The following NOCT variants were observed in gnomAD, a reference collection of about 807,000 sequenced individuals.
NOCT encodes the protein nocturnin.
A neutral mutation model predicts 35.0 loss-of-function variants in NOCT; 18 were observed. That is an observed-to-expected ratio of 0.51 (90% CI 0.36 to 0.76). NOCT has a LOEUF of 0.76. Among genes scored for constraint, NOCT ranks in the 30% least tolerant of loss-of-function variants. The pLI is 0.01. For synonymous variants in NOCT, 235 were observed against 226.3 expected (o/e 1.04, Z -0.34); for missense variants, 479 against 541.0 (o/e 0.89, Z 1.14).
At chr4:139,032,996 C>T (rs1482582774) in intron 1 of NOCT, among the ~76,000 whole-genome samples, 3 of 151,382 alleles carry the variant, frequency 2.0e-5, no homozygotes, top group Admixed American at 1.3e-4. Flanking sequence ...CCCTGGGGGG[C>T]GGAGGCTGCA....
intron 1 of NOCT, among the ~76,000 whole-genome samples, chr4:139,029,072 C>A (rs1247025929): frequency 6.6e-6 from 1 of 152,104 alleles, no homozygotes; most frequent in Non-Finnish European, 1.5e-5. Flanking sequence ...CTCCTGACCT[C>A]AAGTGATCCA....
intron 1 of NOCT, among the ~76,000 whole-genome samples, chr4:139,026,664 C>T (rs1350693690): frequency 6.6e-6 from 1 of 151,850 alleles, no homozygotes; most frequent in Non-Finnish European, 1.5e-5. Context: ...TATTCTCCTG[C>T]CTCAGCCTCC....
intron 1 of NOCT, among the ~76,000 whole-genome samples, chr4:139,019,398 G>C (rs1726370505): frequency 6.6e-6 from 1 of 152,166 alleles, no homozygotes. Context: ...TCCTACTGTA[G>C]ACCTATTAAG....
At chr4:139,039,370 A>AT (rs11353325) in intron 1 of NOCT, among the ~76,000 whole-genome samples, 2,068 of 150,870 alleles carry the variant, frequency 0.014, 41 homozygotes, top group African/African-American at 0.048. Context: ...TGACAATCTG[A>AT]TTTTTTTTTT....
intron 1 of NOCT, among the ~76,000 whole-genome samples, chr4:139,032,995 G>T (rs181480966): frequency 6.6e-6 from 1 of 152,060 alleles, no homozygotes; most frequent in Non-Finnish European, 1.5e-5. Flanking sequence ...ACCCTGGGGG[G>T]CGGAGGCTGC....
At chr4:139,027,219 G>T (rs1204664475) in intron 1 of NOCT, among the ~76,000 whole-genome samples, 1 of 149,636 alleles carries the variant, frequency 6.7e-6, no homozygotes, top group Non-Finnish European at 1.5e-5. Flanking sequence ...CTGTCACCCA[G>T]ACTGGAGTGC....
chr4:139,016,641 G>GTT lies in NOCT; in HGVS notation c.190+499_190+500dup, dbSNP rs10541748. Among the ~76,000 whole-genome samples the GTT allele has an allele frequency of 1.5e-3, 79 of 53,804 alleles. 15 individuals are homozygous for GTT. The highest frequency in any genetic ancestry group is 2.6e-3 in the African/African-American group (34 of 13,092). 35.3% of individuals were successfully genotyped at this position (53,804 alleles called of 152,430 possible). On this transcript the variant is annotated intron_variant, in intron 1 of 2. Coordinates refer to ENST00000280614, the MANE Select transcript of NOCT (RefSeq NM_012118.4). The stretch of plus-strand genomic sequence containing the variant: ...ATAACACATTGATTCGTTTTACGTT[G>GTT]TTTTTTTTTTTTTTTTTTTTTTTTT...
chr4:139,043,988 A>ATATATG (rs1167147129), intron 2 of NOCT: 1 of 147,632 alleles, frequency 6.8e-6, no homozygotes, highest in Non-Finnish European at 1.5e-5. Flanking sequence ...ATGTATATAT[A>ATATATG]TATATATATA....
At chr4:139,035,833 T>C (rs943363449) in intron 1 of NOCT, among the ~76,000 whole-genome samples, 5 of 152,246 alleles carry the variant, frequency 3.3e-5, no homozygotes, top group Admixed American at 3.3e-4. Flanking sequence ...CACACCACCA[T>C]AATCCCCTCT....
intron 1 of NOCT, among the ~76,000 whole-genome samples, chr4:139,036,946 C>T (rs1726747340): frequency 6.6e-6 from 1 of 152,158 alleles, no homozygotes; most frequent in African/African-American, 2.4e-5. Context: ...GGGAGTCCAT[C>T]AGTAAGCTGT....
chr4:139,019,235 G>T (rs984323562), intron 1 of NOCT, among the ~76,000 whole-genome samples: 6 of 152,058 alleles, frequency 3.9e-5, no homozygotes, highest in African/African-American at 1.4e-4. Flanking sequence ...TTTGTATTTA[G>T]TAGAGACAGG....
rs770704051 is a variant in NOCT, at chr4:139,043,310, A to G, written c.427A>G (p.Ile143Val). 4.3e-6 allele frequency: 7 copies of G among 1,614,070 alleles called. No homozygotes were observed. The East Asian group carries it at 1.3e-4, about 31-fold the overall frequency. Residue 143 changes from isoleucine (I) to valine (V), a missense_variant, in exon 2 of 3, where the codon ATC becomes GTC. Ile to Val is a conservative substitution (Grantham distance 29). Coordinates refer to ENST00000280614, the MANE Select transcript of NOCT (RefSeq NM_012118.4). ...RTDCPSTHPP[I>V]RVMQWNILAQ... ...AGATTGCCCTAGTACCCACCCACCT[A>G]TCAGGGTTATGCAATGGAACATCCT...
chr4:139,019,235 G>A (rs984323562), intron 1 of NOCT, among the ~76,000 whole-genome samples: 8 of 152,058 alleles, frequency 5.3e-5, no homozygotes, highest in Non-Finnish European at 1.2e-4. Flanking sequence ...TTTGTATTTA[G>A]TAGAGACAGG....
chr4:139,024,054 T>C (rs1179738191), intron 1 of NOCT, among the ~76,000 whole-genome samples: 1 of 150,794 alleles, frequency 6.6e-6, no homozygotes, highest in African/African-American at 2.4e-5. Flanking sequence ...CCTTTTTTTT[T>C]TTTTTTTTTT....
At chr4:139,016,269 C>A (rs1032996978) in intron 1 of NOCT, 98 bp downstream of exon 1, 4 of 798,036 alleles carry the variant, frequency 5.0e-6, no homozygotes, top group Non-Finnish European at 5.0e-6. Flanking sequence ...CCGGGGCTGC[C>A]GGTCGTGGAG....
intron 1 of NOCT, among the ~76,000 whole-genome samples, chr4:139,017,666 T>C (rs113941347): frequency 0.041 from 6,195 of 151,432 alleles, 210 homozygotes; most frequent in Non-Finnish European, 0.066. Flanking sequence ...GTGGTGGCAC[T>C]CGCCTGTAAT....
In NOCT at chr4:139,044,743, G is replaced by T. The variant is rs781229217; in HGVS notation, c.565G>T (p.Asp189Tyr). Reference sequence around the variant, plus strand: ...GGAAGAAATCCTGGCCTACCAGCCTGATATATTGTGCCTCCAAGAGGTGGA... The same window carrying T: ...GGAAGAAATCCTGGCCTACCAGCCTTATATATTGTGCCTCCAAGAGGTGGA... ...ILEEILAYQPDILCLQEVDHY... is the reference protein window; with the variant it reads ...ILEEILAYQPYILCLQEVDHY... The change falls in exon 3 of 3, where the codon GAT becomes TAT. Residue 189 changes from aspartate to tyrosine, a missense_variant. Transcript: ENST00000280614. 6 of 1,614,178 alleles carry T rather than the reference G, an allele frequency of 3.7e-6. No individual in the cohort carries two copies. Among genetic ancestry groups the T allele is most frequent in the Non-Finnish European group, 5.1e-6 (6 of 1,180,008 alleles).
intron 1 of NOCT, among the ~76,000 whole-genome samples, chr4:139,021,048 C>CAG (rs140054202): frequency 0.017 from 2,242 of 131,776 alleles, 55 homozygotes; most frequent in African/African-American, 0.06. Flanking sequence ...GCCTGGGCGA[C>CAG]AGTAGGAGCA....
intron 1 of NOCT, among the ~76,000 whole-genome samples, chr4:139,022,138 A>C (rs1160130259): frequency 1.3e-5 from 2 of 152,342 alleles, no homozygotes; most frequent in East Asian, 3.9e-4. Context: ...TTTGAAGGAC[A>C]GTGTGCCTGG....
Sources: gnomAD v4.1 joint callset for allele counts (sites outside exome capture counted in the v4.1 genomes callset) on GRCh38, gnomAD v4.1.1 for gene constraint, MANE v1.5 for transcripts, NCBI Gene and HGNC (gene_info 2026-07-23, HGNC 2026-07-21) for gene names.